ARHGAP25: variants seen among roughly 807,000 people sequenced by gnomAD.
ARHGAP25 encodes Rho GTPase activating protein 25.
In ARHGAP25, 34 loss-of-function variants were observed where a neutral mutation model predicts 71.0. The observed-to-expected ratio is 0.48, with a 90% CI of 0.36 to 0.64. The LOEUF (loss-of-function observed/expected upper bound fraction) is 0.64. Ranked by LOEUF, ARHGAP25 falls within the 30% of genes least tolerant of loss-of-function variation. The pLI, the probability that ARHGAP25 is intolerant of heterozygous loss-of-function variation, is 0.00. For synonymous variants in ARHGAP25, 282 were observed against 296.5 expected (o/e 0.95, Z 0.50); for missense variants, 706 against 805.1 (o/e 0.88, Z 1.49).
intron 1 of ARHGAP25, among the ~76,000 whole-genome samples, chr2:68,738,617 G>A (rs1156686118): frequency 6.6e-6 from 1 of 151,966 alleles, no homozygotes; most frequent in African/African-American, 2.4e-5. Context: ...AAAGGTCCCC[G>A]ATAGATAAAG....
intron 3 of ARHGAP25, among the ~76,000 whole-genome samples, chr2:68,787,357 ATT>A (rs1387242179): frequency 2.0e-5 from 3 of 152,180 alleles, no homozygotes; most frequent in Non-Finnish European, 4.4e-5. Flanking sequence ...CCAAGCACCA[ATT>A]TTGTGAAAAA....
rs1478827676 is a variant in ARHGAP25, at chr2:68,822,886, A to G, written c.1733+14A>G. 2 of 1,589,648 alleles carry G rather than the reference A, an allele frequency of 1.3e-6. No homozygotes were observed. Among genetic ancestry groups the G allele is most frequent in the South Asian group, 1.1e-5 (1 of 87,470 alleles). On this transcript the variant is annotated intron_variant, in intron 10 of 10. Coordinates refer to ENST00000409202, the MANE Select transcript of ARHGAP25 (RefSeq NM_001007231.3). ...ACAGATTAAAAAGTAAGTCAGACAG[A>G]GGGGCACTGAGAGGCACTTGGCTTC...
intron 4 of ARHGAP25, among the ~76,000 whole-genome samples, chr2:68,792,130 C>G (rs760068774): frequency 7.2e-5 from 11 of 152,230 alleles, no homozygotes; most frequent in Non-Finnish European, 2.9e-5. Context: ...TGCTTTTGTC[C>G]TCTTCCTCCA....
intron 1 of ARHGAP25, among the ~76,000 whole-genome samples, chr2:68,737,817 G>A (rs1462071190): frequency 2.0e-5 from 3 of 152,150 alleles, no homozygotes; most frequent in African/African-American, 7.2e-5. Context: ...CCCAGGAAAG[G>A]GGCCCTAGCT....
At chr2:68,785,143 G>T (rs945538721) in intron 3 of ARHGAP25, among the ~76,000 whole-genome samples, 2 of 152,198 alleles carry the variant, frequency 1.3e-5, no homozygotes, top group Non-Finnish European at 2.9e-5. Flanking sequence ...TTTCTCAGGG[G>T]TGGGCACAGA....
chr2:68,787,880 C>T lies in ARHGAP25; in HGVS notation c.390C>T (p.Val130=). The T allele has an allele frequency of 6.2e-7, 1 of 1,614,216 alleles. No homozygotes were observed. The highest frequency in any genetic ancestry group is 8.5e-7 in the Non-Finnish European group (1 of 1,180,044). The change falls in exon 4 of 11, where the codon GTC becomes GTT. Residue 130 remains valine, a synonymous_variant. Coordinates refer to ENST00000409202, the MANE Select transcript of ARHGAP25 (RefSeq NM_001007231.3). ...ATCGCATGGGACAGGACTCCTATGT[C>T]CTCATGGCCAGCTCTCAGGCGGAGA... is the stretch of plus-strand genomic sequence containing the variant. ...DQNRMGQDSY[V]LMASSQAEME... is the part of the protein sequence containing the mutation.
intron 2 of ARHGAP25, 91 bp from the exon 3 acceptor site, chr2:68,782,142 C>T: frequency 6.1e-6 from 7 of 1,144,032 alleles, no homozygotes; most frequent in Non-Finnish European, 9.1e-6. Flanking sequence ...CTCTCCTCCC[C>T]ATCCCATCAT....
intron 4 of ARHGAP25, among the ~76,000 whole-genome samples, chr2:68,801,133 C>A (rs944222662): frequency 6.6e-6 from 1 of 151,914 alleles, no homozygotes; most frequent in Non-Finnish European, 1.5e-5. Flanking sequence ...GATGATTTTT[C>A]TCTCATGTAA....
intron 5 of ARHGAP25, 93 bp downstream of exon 5, chr2:68,807,573 T>G (rs779953427): frequency 7.8e-7 from 1 of 1,277,892 alleles, no homozygotes; most frequent in Non-Finnish European, 1.1e-6. Flanking sequence ...CTATGGGACT[T>G]GCATAGAGAC....
At chr2:68,775,654 GGC>G in intron 2 of ARHGAP25, 4 of 677,990 alleles carry the variant, frequency 5.9e-6, no homozygotes, top group Non-Finnish European at 1.1e-5. Flanking sequence ...TCCTACACAT[GGC>G]TCTGAGTCAA....
chr2:68,821,094 T>TTC (rs1434618504), intron 9 of ARHGAP25, among the ~76,000 whole-genome samples: 3 of 72,732 alleles, frequency 4.1e-5, no homozygotes, highest in African/African-American at 1.1e-4. Context: ...TTTTCTTTCT[T>TTC]TTTTTTTTTT....
At chr2:68,806,678 A>G (rs934216162) in intron 4 of ARHGAP25, among the ~76,000 whole-genome samples, 1 of 152,240 alleles carries the variant, frequency 6.6e-6, no homozygotes, top group Non-Finnish European at 1.5e-5. Flanking sequence ...ATGACATGCA[A>G]TTTAAAACTT....
At chr2:68,778,464 C>A in intron 2 of ARHGAP25, among the ~76,000 whole-genome samples, 1 of 152,104 alleles carries the variant, frequency 6.6e-6, no homozygotes, top group Non-Finnish European at 1.5e-5. Context: ...CATACAATTT[C>A]TAATGTCTCT....
chr2:68,812,678 C>A (rs2103661939), intron 5 of ARHGAP25, among the ~76,000 whole-genome samples: 1 of 152,292 alleles, frequency 6.6e-6, no homozygotes, highest in Non-Finnish European at 1.5e-5. Flanking sequence ...ACTTGAGTCC[C>A]CAGAGTTCTG....
chr2:68,742,198 T>C (rs1675555143), intron 1 of ARHGAP25, among the ~76,000 whole-genome samples: 2 of 152,230 alleles, frequency 1.3e-5, no homozygotes, highest in South Asian at 4.1e-4. Context: ...TGCTGGAATT[T>C]TGGCCTATGG....
Position 68,814,872 on chromosome 2 carries a change from T to A in ARHGAP25, c.808-1417T>A, listed in dbSNP as rs549352788. Among the ~76,000 whole-genome samples the A allele has an allele frequency of 4.5e-4, 69 of 152,352 alleles. No individual in the cohort carries two copies. The South Asian group carries it at 0.013, about 28-fold the overall frequency. On this transcript the variant is annotated intron_variant, in intron 6 of 10. Coordinates refer to ENST00000409202, the MANE Select transcript of ARHGAP25 (RefSeq NM_001007231.3). Reference sequence around the variant, plus strand: ...CATGGATCTGAGGTACGATATTTTGTGCGTAACTTAAGAATTTTATTGGGG... The same window carrying A: ...CATGGATCTGAGGTACGATATTTTGAGCGTAACTTAAGAATTTTATTGGGG...
chr2:68,790,219 G>A (rs377238775), intron 4 of ARHGAP25, among the ~76,000 whole-genome samples: 150 of 152,232 alleles, frequency 9.9e-4, no homozygotes, highest in African/African-American at 3.5e-3. Context: ...TCGAACTCCT[G>A]ACCTTAGGTG....
chr2:68,719,651 C>A (rs986020699), intron 2 of ARHGAP25, among the ~76,000 whole-genome samples: 2 of 152,042 alleles, frequency 1.3e-5, no homozygotes, highest in African/African-American at 4.8e-5. Flanking sequence ...CTGTCAGATA[C>A]CATTTTAAGG....
chr2:68,712,231 A>T (rs1024037718), intron 2 of ARHGAP25, among the ~76,000 whole-genome samples: 2 of 152,130 alleles, frequency 1.3e-5, no homozygotes, highest in African/African-American at 2.4e-5. Flanking sequence ...ATGGTATCTC[A>T]TTGCGGTTTT....
Sources: gnomAD v4.1 joint callset for allele counts (sites outside exome capture counted in the v4.1 genomes callset) on GRCh38, gnomAD v4.1.1 for gene constraint, MANE v1.5 for transcripts, NCBI Gene and HGNC (gene_info 2026-07-23, HGNC 2026-07-21) for gene names.